TRAF3IP1: variants seen among roughly 807,000 people sequenced by gnomAD.
TRAF3IP1 encodes intraflagellar transport 54.
A neutral mutation model predicts 89.9 loss-of-function variants in TRAF3IP1; 53 were observed. The observed-to-expected ratio is 0.59, with a 90% confidence interval of 0.47 to 0.74. The LOEUF (loss-of-function observed/expected upper bound fraction) is 0.74, where lower values mean the gene tolerates loss of function less well. Ranked by LOEUF, TRAF3IP1 falls within the 30% of genes least tolerant of loss-of-function variation. The pLI is 0.00. For synonymous variants in TRAF3IP1, 311 were observed against 322.1 expected (o/e 0.97, Z 0.37); for missense variants, 806 against 866.1 (o/e 0.93, Z 0.87).
rs1324125725 is a variant in TRAF3IP1 at position 238,399,033 on chromosome 2, G to A, written c.*114G>A. ...GCTAAGAAAATGAACAGTTTACAAT[G>A]TTATTATCCAGCTAATTTTCAGAGC... On this transcript the variant is annotated 3_prime_UTR_variant, in exon 17 of 17. Transcript: ENST00000373327. The A allele has an allele frequency of 4.3e-6, 4 of 934,696 alleles. No homozygotes were observed. The highest frequency in any genetic ancestry group is 2.0e-5 in the South Asian group (1 of 49,468). 57.9% of individuals were successfully genotyped at this position (934,696 alleles called of 1,614,324 possible).
intron 12 of TRAF3IP1, 113 bp downstream of exon 12, chr2:238,349,521 A>G: frequency 9.3e-7 from 1 of 1,071,176 alleles, no homozygotes; most frequent in Non-Finnish European, 1.4e-6. Flanking sequence ...GAAACATGCT[A>G]TTGAGGAACA....
intron 1 of TRAF3IP1, among the ~76,000 whole-genome samples, chr2:238,322,510 T>A (rs1049521855): frequency 6.6e-6 from 1 of 151,890 alleles, no homozygotes; most frequent in African/African-American, 2.4e-5. Context: ...CCAACATGGT[T>A]AAAACTCCAT....
At chr2:238,391,717 CTT>C (rs1393187215) in intron 15 of TRAF3IP1, among the ~76,000 whole-genome samples, 2 of 152,130 alleles carry the variant, frequency 1.3e-5, no homozygotes, top group Non-Finnish European at 2.9e-5. Flanking sequence ...CAGATTACCT[CTT>C]AGTGTCTTTT....
chr2:238,328,691 T>C lies in TRAF3IP1; in HGVS notation c.360T>C (p.Ser120=). The change falls in exon 4 of 17, where the codon TCT becomes TCC. Residue 120 remains serine (S), a synonymous_variant. Coordinates refer to ENST00000373327, the MANE Select transcript of TRAF3IP1 (RefSeq NM_015650.4). The part of the protein sequence containing the change: ...IIGKCCLNKL[S]SDDAVRRVLA... ...CCTTCCATTTGGACGACAAGCTCTCTAGTGACGATGCGGTGCGGAGGGTTT... is the reference window on the plus strand; with the variant it reads ...CCTTCCATTTGGACGACAAGCTCTCCAGTGACGATGCGGTGCGGAGGGTTT... 6.2e-7 allele frequency: 1 copy of C among 1,613,624 alleles called. No homozygotes were observed. Among genetic ancestry groups the C allele is most frequent in the South Asian group, 1.1e-5 (1 of 90,964 alleles).
At position 238,351,874 on chromosome 2, in the gene TRAF3IP1, C is replaced by T. The variant is rs998336615; in HGVS notation, c.1452-953C>T. 1.9e-4 allele frequency among the ~76,000 whole-genome samples: 28 copies of T among 146,130 alleles called. 1 individual carries two copies. Among genetic ancestry groups the T allele is most frequent in the Admixed American group, 1.1e-3 (16 of 15,010 alleles). On this transcript the variant is annotated intron_variant, in intron 12 of 16. Transcript: ENST00000373327. The surrounding 1 kb of genome is among the most constrained non-coding windows in gnomAD (Gnocchi z 5.2). ...GTGTGTGTGTGTGTGTGTGCGCGCG[C>T]GCGCGTGTGCGTGCATGTGCTTGTG...
At chr2:238,381,088 C>T (rs955164751) in intron 15 of TRAF3IP1, among the ~76,000 whole-genome samples, 15 of 148,692 alleles carry the variant, frequency 1.0e-4, no homozygotes, top group Admixed American at 2.7e-4. Flanking sequence ...GCCACAATGA[C>T]GGGATTTGGG....
intron 1 of TRAF3IP1, among the ~76,000 whole-genome samples, chr2:238,321,727 C>G (rs979733488): frequency 1.3e-5 from 2 of 152,158 alleles, no homozygotes; most frequent in Non-Finnish European, 2.9e-5. Context: ...GGCGCAGCAC[C>G]CATTTCCATG....
At chr2:238,393,282 A>G (rs1361583415) in intron 15 of TRAF3IP1, among the ~76,000 whole-genome samples, 2 of 152,194 alleles carry the variant, frequency 1.3e-5, no homozygotes, top group Non-Finnish European at 2.9e-5. Context: ...CATTTCCCTA[A>G]TGCCTAATGA....
intron 1 of TRAF3IP1, among the ~76,000 whole-genome samples, chr2:238,323,113 C>G (rs1243386280): frequency 6.7e-6 from 1 of 148,230 alleles, no homozygotes; most frequent in Admixed American, 6.7e-5. Context: ...GATTCTTGCT[C>G]TGTCGCCCAG....
chr2:238,393,678 T>G (rs1273104767), intron 15 of TRAF3IP1, among the ~76,000 whole-genome samples: 1 of 152,218 alleles, frequency 6.6e-6, no homozygotes, highest in East Asian at 1.9e-4. Context: ...GTTTAAGATA[T>G]GAGATTAGGT....
At chr2:238,332,566 G>C (rs1698178944) in intron 5 of TRAF3IP1, among the ~76,000 whole-genome samples, 1 of 152,154 alleles carries the variant, frequency 6.6e-6, no homozygotes, top group African/African-American at 2.4e-5. Context: ...AGCTTCCTGA[G>C]AGTCAGGAGT....
At chr2:238,335,613 A>T (rs1378624462) in intron 7 of TRAF3IP1, among the ~76,000 whole-genome samples, 1 of 152,068 alleles carries the variant, frequency 6.6e-6, no homozygotes, top group Admixed American at 6.6e-5. Flanking sequence ...ATTTAACTGG[A>T]CTTGTGTTAA....
chr2:238,361,042 T>C (rs555243371), intron 15 of TRAF3IP1, among the ~76,000 whole-genome samples: 126 of 151,972 alleles, frequency 8.3e-4, no homozygotes, highest in African/African-American at 3.0e-3. Context: ...CCTTTTTATT[T>C]AAAAAACTTT....
In TRAF3IP1 at chr2:238,326,611, GAGAAGGTCTTTCCCC is replaced by G. The variant is rs1266364943; in HGVS notation, c.354+644_354+658del. Among the ~76,000 whole-genome samples the G allele has an allele frequency of 1.2e-4, 19 of 152,252 alleles. No homozygotes were observed. The South Asian group carries it at 3.9e-3, about 32-fold the overall frequency. ...CTGGGCCATGTTTGCCCAAATGTTGGAGAAGGTCTTTCCCCAGGGTCTTCCTTCTTTTGAGGGCCG... is the reference window on the plus strand; with the variant it reads ...CTGGGCCATGTTTGCCCAAATGTTGGAGGGTCTTCCTTCTTTTGAGGGCCG... On this transcript the variant is annotated intron_variant, in intron 3 of 16. Transcript: ENST00000373327.
intron 8 of TRAF3IP1, among the ~76,000 whole-genome samples, chr2:238,339,378 A>T (rs1698530900): frequency 1.3e-5 from 2 of 152,236 alleles, no homozygotes; most frequent in African/African-American, 4.8e-5. Flanking sequence ...CCATACAGGC[A>T]TGCATGTTAC....
At position 238,329,117 on chromosome 2, in the gene TRAF3IP1, A is replaced by G. The variant is rs780171543; in HGVS notation, c.690A>G (p.Arg230=). The G allele has an allele frequency of 7.7e-6, 12 of 1,550,602 alleles. No individual in the cohort carries two copies. The African/African-American group carries it at 1.5e-4, about 20-fold the overall frequency. ...CCCGGGCCAGGCCAGACAACGAGCG[A>G]CAGAAAGACAGAGGCAACAGGGAGC... is the stretch of plus-strand genomic sequence containing the variant. ...AKARARPDNE[R]QKDRGNRERD... The change falls in exon 5 of 17, where the codon CGA becomes CGG. Residue 230 remains arginine (R), a synonymous_variant. Transcript: ENST00000373327.
At chr2:238,335,975 A>G (rs1428587325) in intron 7 of TRAF3IP1, among the ~76,000 whole-genome samples, 2 of 151,772 alleles carry the variant, frequency 1.3e-5, no homozygotes, top group African/African-American at 4.8e-5. Flanking sequence ...TATTTTTAGT[A>G]GAGACAGGGT....
chr2:238,356,724 G>C (rs10204923), intron 15 of TRAF3IP1, among the ~76,000 whole-genome samples: 17,643 of 151,746 alleles, frequency 0.12, 1,751 homozygotes, highest in African/African-American at 0.27. Flanking sequence ...CCTGTTTGCA[G>C]ACTGGGAGGC....
chr2:238,329,377 G>A, intron 5 of TRAF3IP1, 35 bp downstream of exon 5: 2 of 1,339,168 alleles, frequency 1.5e-6, no homozygotes, highest in Non-Finnish European at 1.9e-6. Context: ...CTTTTGCTTA[G>A]CAAGAGTTTG....
Sources: gnomAD v4.1 joint callset for allele counts (sites outside exome capture counted in the v4.1 genomes callset) on GRCh38, gnomAD v4.1.1 for gene constraint, Gnocchi (gnomAD v3.1) non-coding constraint, MANE v1.5 for transcripts, NCBI Gene and HGNC (gene_info 2026-07-23, HGNC 2026-07-21) for gene names.